The following ERBB4 variants were observed in gnomAD, a reference collection of about 807,000 sequenced individuals.
ERBB4 encodes receptor tyrosine-protein kinase erbB-4.
Under a neutral mutation model 158.0 loss-of-function variants are expected in ERBB4, and 42 were observed. The ratio of observed to expected loss-of-function variants is 0.27; its 90% CI spans 0.21 to 0.34. ERBB4 has a LOEUF of 0.34. ERBB4 is among the 10% of genes least tolerant of loss of function. ERBB4 has a pLI of 1.00. For synonymous variants in ERBB4, 583 were observed against 558.7 expected (o/e 1.04, Z -0.61); for missense variants, 1,333 against 1,624.1 (o/e 0.82, Z 3.08).
intron 20 of ERBB4, among the ~76,000 whole-genome samples, chr2:211,466,362 A>G (rs2064690046): frequency 7.0e-6 from 1 of 142,430 alleles, no homozygotes; most frequent in African/African-American, 2.6e-5. Flanking sequence ...AAAAAAAAAA[A>G]GGAACACATT....
At chr2:212,015,396 A>C (rs1488177794) in intron 2 of ERBB4, among the ~76,000 whole-genome samples, 1 of 152,064 alleles carries the variant, frequency 6.6e-6, no homozygotes, top group African/African-American at 2.4e-5. Context: ...CTTGGGATAC[A>C]GTTTGAACCT....
At chr2:211,405,146 C>G (rs762921754) in intron 25 of ERBB4, among the ~76,000 whole-genome samples, 1 of 151,976 alleles carries the variant, frequency 6.6e-6, no homozygotes, top group African/African-American at 2.4e-5. Flanking sequence ...AAGTAAGTGG[C>G]CAAGTTTACA....
At chr2:211,727,957 T>C (rs1458249474) in intron 5 of ERBB4, among the ~76,000 whole-genome samples, 1 of 151,944 alleles carries the variant, frequency 6.6e-6, no homozygotes, top group African/African-American at 2.4e-5. Flanking sequence ...GAACGTATAT[T>C]TTGTATTTGC....
At chr2:211,539,766 CAG>C (rs1364865590) in intron 20 of ERBB4, among the ~76,000 whole-genome samples, 3 of 151,902 alleles carry the variant, frequency 2.0e-5, no homozygotes, top group Non-Finnish European at 4.4e-5. Flanking sequence ...AGAGAGAAGG[CAG>C]AAATACAAAG....
At chr2:212,418,055 G>A (rs13417523) in intron 1 of ERBB4, among the ~76,000 whole-genome samples, 19,731 of 151,900 alleles carry the variant, frequency 0.13, 1,447 homozygotes, top group African/African-American at 0.21. Flanking sequence ...CAGGAAGAAG[G>A]CCCTTACAAA....
chr2:211,861,742 G>T (rs1248267844), intron 3 of ERBB4, among the ~76,000 whole-genome samples: 1 of 152,094 alleles, frequency 6.6e-6, no homozygotes, highest in African/African-American at 2.4e-5. Context: ...GGGATTTGAG[G>T]CTTGGAACAA....
chr2:211,518,795 T>C (rs7599979), intron 20 of ERBB4, among the ~76,000 whole-genome samples: 1 of 151,920 alleles, frequency 6.6e-6, no homozygotes, highest in Admixed American at 6.5e-5. Flanking sequence ...AAAATGGCCA[T>C]AATTATTGAA....
At chr2:212,342,413 T>C (rs1963633) in intron 1 of ERBB4, among the ~76,000 whole-genome samples, 148,360 of 152,234 alleles carry the variant, frequency 0.97, 72,340 homozygotes, top group Middle Eastern at 1. Context: ...TTCCCCTGCA[T>C]ACACTCTCTT....
chr2:211,652,339 G>A (rs922132572), intron 16 of ERBB4, among the ~76,000 whole-genome samples: 1 of 152,146 alleles, frequency 6.6e-6, no homozygotes, highest in Non-Finnish European at 1.5e-5. Context: ...TTAGTGGACT[G>A]AGGATAGACT....
intron 3 of ERBB4, among the ~76,000 whole-genome samples, chr2:211,903,023 T>C (rs960793878): frequency 1.3e-5 from 2 of 152,032 alleles, no homozygotes; most frequent in African/African-American, 2.4e-5. Flanking sequence ...ATGTCAAACT[T>C]TCTTCTGCAA....
intron 1 of ERBB4, among the ~76,000 whole-genome samples, chr2:212,507,518 G>A (rs562888929): frequency 6.6e-6 from 1 of 152,218 alleles, no homozygotes; most frequent in African/African-American, 2.4e-5. Context: ...AAATATTAAT[G>A]ATTCATTGGC....
At chr2:212,191,034 ATT>A (rs200534259) in intron 1 of ERBB4, among the ~76,000 whole-genome samples, 2 of 144,012 alleles carry the variant, frequency 1.4e-5, no homozygotes. Context: ...CCCTAAGGGC[ATT>A]TTTTTTTTTT....
intron 20 of ERBB4, among the ~76,000 whole-genome samples, chr2:211,482,614 A>G (rs969210920): frequency 6.6e-6 from 1 of 152,190 alleles, no homozygotes; most frequent in Non-Finnish European, 1.5e-5. Flanking sequence ...GATAAAAAAT[A>G]AATTAATCAG....
intron 1 of ERBB4, among the ~76,000 whole-genome samples, chr2:212,307,657 C>A (rs79507907): frequency 0.14 from 20,479 of 150,842 alleles, 1,486 homozygotes; most frequent in South Asian, 0.23. Flanking sequence ...GTTTCTAGGA[C>A]GGGTCCTTTC....
In ERBB4 at chr2:211,420,299, T is replaced by G; in HGVS notation, c.3135+142A>C. On this transcript the variant is annotated intron_variant, in intron 25 of 27. Coordinates refer to ENST00000342788, the MANE Select transcript of ERBB4 (RefSeq NM_005235.3). ...CTACATATAGCAAGATTGGCACATCTTTTGTGGGTATGGTATATTTTTAAT... is the reference window on the plus strand; with the variant it reads ...CTACATATAGCAAGATTGGCACATCGTTTGTGGGTATGGTATATTTTTAAT... 3 of 663,808 alleles carry G rather than the reference T, an allele frequency of 4.5e-6. No individual in the cohort carries two copies. In the South Asian group the frequency reaches 5.6e-5, roughly 12 times the overall value. 41.1% of individuals were successfully genotyped at this position (663,808 alleles called of 1,614,324 possible). A position where few individuals can be genotyped will look rare whatever the true frequency, so the allele number is the denominator to read the frequency against.
At chr2:212,440,352 C>G (rs2092227496) in intron 1 of ERBB4, among the ~76,000 whole-genome samples, 1 of 152,188 alleles carries the variant, frequency 6.6e-6, no homozygotes, top group Non-Finnish European at 1.5e-5. Context: ...CAGGCTACAA[C>G]TTTCTCCCAT....
intron 1 of ERBB4, among the ~76,000 whole-genome samples, chr2:212,434,139 A>C (rs775192846): frequency 6.6e-6 from 1 of 151,984 alleles, no homozygotes; most frequent in Non-Finnish European, 1.5e-5. Flanking sequence ...TCTAAAATAG[A>C]ATTTAATAGT....
chr2:211,467,330 G>A (rs2125517310), intron 20 of ERBB4, among the ~76,000 whole-genome samples: 1 of 152,226 alleles, frequency 6.6e-6, no homozygotes, highest in Middle Eastern at 3.4e-3. Context: ...TAGGAGCACT[G>A]GTATCTGGTC....
intron 1 of ERBB4, among the ~76,000 whole-genome samples, chr2:212,468,402 G>T (rs1021195181): frequency 6.6e-6 from 1 of 152,092 alleles, no homozygotes; most frequent in Non-Finnish European, 1.5e-5. Flanking sequence ...GAATCATGGG[G>T]TGAGCTGTTC....
Sources: allele counts gnomAD v4.1 joint callset (sites outside exome capture counted in the v4.1 genomes callset), GRCh38; gene constraint gnomAD v4.1.1; transcripts MANE v1.5; gene names NCBI Gene and HGNC (gene_info 2026-07-23, HGNC 2026-07-21).